CTSB: variants seen among roughly 807,000 people sequenced by gnomAD.
CTSB encodes cathepsin B.
Under a neutral mutation model 44.3 loss-of-function variants are expected in CTSB, and 57 were observed. The observed-to-expected ratio is 1.29, with a 90% confidence interval of 1.04 to 1.60. The LOEUF (loss-of-function observed/expected upper bound fraction) is 1.60. Among genes scored for constraint, CTSB ranks in the 40% most tolerant of loss-of-function variants. The pLI is 0.00. For missense variants in CTSB, 768 were observed against 443.0 expected (o/e 1.73, Z -6.59); for synonymous variants, 320 against 168.0 (o/e 1.91, Z -7.00).
intron 1 of CTSB, among the ~76,000 whole-genome samples, chr8:11,862,150 T>G (rs1169655425): frequency 6.8e-6 from 1 of 147,140 alleles, no homozygotes; most frequent in Non-Finnish European, 1.5e-5. Context: ...GAGTTTGCAG[T>G]GAGCCGAGAT....
intron 1 of CTSB, among the ~76,000 whole-genome samples, chr8:11,862,762 G>C (rs1221583553): frequency 6.6e-6 from 1 of 152,260 alleles, no homozygotes; most frequent in African/African-American, 2.4e-5. Context: ...CAGAGTCCAG[G>C]TCAGCACGTC....
chr8:11,867,709 C>G (rs1817369023), intron 1 of CTSB: 1 of 152,242 alleles, frequency 6.6e-6, no homozygotes, highest in Admixed American at 6.5e-5. Context: ...GTCCCCGCTC[C>G]GAGGGCCGGG....
Position 11,845,928 on chromosome 8 carries a change from A to AG in CTSB, c.794-140dup, listed in dbSNP as rs552680684. The stretch of plus-strand genomic sequence containing the variant: ...ACCTGCTGCTCCACCAGGAGGCTCC[A>AG]GGGGGGGTCCCACAATACTGGGGAA... On this transcript the variant is annotated intron_variant, in intron 8 of 9. Coordinates refer to ENST00000353047, the MANE Select transcript of CTSB (RefSeq NM_001908.5). 3.9e-4 allele frequency: 382 copies of AG among 987,826 alleles called. 1 individual carries two copies. Among genetic ancestry groups the AG allele is most frequent in the Admixed American group, 9.8e-4 (29 of 29,608 alleles). The allele number at this position is 987,826 out of a possible 1,614,324, so 61.2% of individuals were successfully genotyped here.
intron 1 of CTSB, chr8:11,865,374 C>T (rs938658196): frequency 2.0e-5 from 3 of 151,660 alleles, no homozygotes; most frequent in African/African-American, 7.3e-5. Flanking sequence ...AAAACCCCCA[C>T]ATTGGGATTT....
chr8:11,867,940 G>A (rs958593149), intron 1 of CTSB, 61 bp downstream of exon 1: 1 of 152,116 alleles, frequency 6.6e-6, no homozygotes, highest in Non-Finnish European at 1.5e-5. Context: ...TCGGCGGCCG[G>A]GTAGCACCGT....
At chr8:11,861,177 G>C (rs971438473) in intron 1 of CTSB, among the ~76,000 whole-genome samples, 1 of 152,168 alleles carries the variant, frequency 6.6e-6, no homozygotes, top group Non-Finnish European at 1.5e-5. Flanking sequence ...CCTGATGAAC[G>C]GGCACCAGAG....
intron 9 of CTSB, 73 bp from the exon 10 acceptor site, chr8:11,845,295 G>T: frequency 1.7e-6 from 2 of 1,177,252 alleles, no homozygotes; most frequent in East Asian, 2.4e-5. Context: ...ATCCTTAAAA[G>T]ACCTTAAGTC....
At chr8:11,857,184 T>G (rs780504295) in intron 1 of CTSB, among the ~76,000 whole-genome samples, 16 of 152,204 alleles carry the variant, frequency 1.1e-4, no homozygotes, top group Non-Finnish European at 2.4e-4. Context: ...CTACCACGTT[T>G]GGCTAATTTT....
At position 11,844,251 on chromosome 8, in the gene CTSB, C is replaced by G. The variant is rs1812806111; in HGVS notation, c.*874G>C. 6.6e-6 allele frequency: 1 copy of G among 152,142 alleles called. No individual in the cohort carries two copies. Among genetic ancestry groups the G allele is most frequent in the Non-Finnish European group, 1.5e-5 (1 of 68,040 alleles). The allele number at this position is 152,142 out of a possible 1,614,324, so 9.4% of individuals were successfully genotyped here. A position where few individuals can be genotyped will look rare whatever the true frequency, so the allele number is the denominator to read the frequency against. The stretch of plus-strand genomic sequence containing the variant: ...TCCAGGACGTGATTCTCTGCAGGGA[C>G]AAAGAGAGACAGCAGCTACAAGTCT... On this transcript the variant is annotated 3_prime_UTR_variant, in exon 10 of 10. Transcript: ENST00000353047.
In CTSB at chr8:11,850,948, G is replaced by A. The variant is rs1374776960; in HGVS notation, c.245C>T (p.Ala82Val). ...CCATTGTTCCCGTGCATCGAAGCTT[G>A]CAGGCAGCTTCAGGTCCTCGGTAAA... ...VMFTEDLKLP[A>V]SFDAREQWPQ... Residue 82 changes from alanine (A) to valine (V), a missense_variant, in exon 4 of 10, where the codon GCA (alanine) becomes GTA (valine). By Grantham distance (64) the Ala-to-Val change is moderately conservative. Coordinates refer to ENST00000353047, the MANE Select transcript of CTSB (RefSeq NM_001908.5). 6.2e-7 allele frequency: 1 copy of A among 1,613,322 alleles called. No homozygotes were observed. The highest frequency in any genetic ancestry group is 1.1e-5 in the South Asian group (1 of 91,004).
At chr8:11,861,409 C>G (rs1816395210) in intron 1 of CTSB, 1 of 152,456 alleles carries the variant, frequency 6.6e-6, no homozygotes, top group Non-Finnish European at 1.5e-5. Context: ...TGCCCACCTG[C>G]CAATCATCTA....
chr8:11,852,635 G>A lies in CTSB; in HGVS notation c.187C>T (p.Leu63=), dbSNP rs777842205. Residue 63 remains leucine (L), a synonymous_variant, in exon 3 of 10, where the codon CTG becomes TTG. Coordinates refer to ENST00000353047, the MANE Select transcript of CTSB (RefSeq NM_001908.5). Reference sequence around the variant, plus strand: ...CTCTGGGGTGGCTTGGGCCCACCCAGGAAGGTACCACATAGCCTCTTCAAG... The same window carrying A: ...CTCTGGGGTGGCTTGGGCCCACCCAAGAAGGTACCACATAGCCTCTTCAAG... The part of the protein sequence containing the change: ...SYLKRLCGTF[L]GGPKPPQRVM... 10 of 1,613,808 alleles carry A rather than the reference G, an allele frequency of 6.2e-6. No homozygotes were observed. The highest frequency in any genetic ancestry group is 8.5e-6 in the Non-Finnish European group (10 of 1,180,020).
Position 11,845,154 on chromosome 8 carries a change from G to T in CTSB, c.991C>A (p.Arg331Ser), listed in dbSNP as rs148519031. 6.2e-7 allele frequency: 1 copy of T among 1,613,812 alleles called. No individual in the cohort carries two copies. The highest frequency in any genetic ancestry group is 8.5e-7 in the Non-Finnish European group (1 of 1,179,672). The change falls in exon 10 of 10, where the codon CGC becomes AGC. Residue 331 changes from arginine (R) to serine (S), a missense_variant. By Grantham distance (110) the Arg-to-Ser change is moderately radical (BLOSUM62 -1). Transcript: ENST00000353047. Reference protein sequence around the residue: ...IESEVVAGIPRTDQYWEKI With the variant: ...IESEVVAGIPSTDQYWEKI ...ATCTTTTCCCAGTACTGATCGGTGC[G>T]TGGAATTCCAGCCACCACTTCTGAT...
chr8:11,844,980 G>T lies in CTSB; in HGVS notation c.*145C>A. The T allele has an allele frequency of 1.6e-6, 1 of 633,336 alleles. No individual in the cohort carries two copies. Among genetic ancestry groups the T allele is most frequent in the Non-Finnish European group, 2.8e-6 (1 of 354,872 alleles). The allele number at this position is 633,336 out of a possible 1,614,324, so 39.2% of individuals were successfully genotyped here. On this transcript the variant is annotated 3_prime_UTR_variant, in exon 10 of 10. Coordinates refer to ENST00000353047, the MANE Select transcript of CTSB (RefSeq NM_001908.5). ...CAGGCTGGGATGTAGCCAGGACTTG[G>T]TCTCCTTGGAAGACAGGTCTGATGT...
intron 1 of CTSB, 117 bp downstream of exon 1, chr8:11,867,884 C>G (rs1046752360): frequency 7.2e-5 from 11 of 152,104 alleles, no homozygotes; most frequent in Non-Finnish European, 1.3e-4. Context: ...CCAGGGACGC[C>G]GCGGGGCCGC....
chr8:11,848,149 A>C lies in CTSB; in HGVS notation c.450T>G (p.Cys150Trp). ...AAGCTTCAGCAGGATAGCCACCATT[A>C]CAGCTGAAAAGACAGCCTCTAATGA... ...TCCGSMCGDGCNGGYPAEAWN... is the reference protein window; with the variant it reads ...TCCGSMCGDGWNGGYPAEAWN... The change falls in exon 6 of 10, where the codon TGT (cysteine) becomes TGG (tryptophan). Residue 150 changes from cysteine to tryptophan, a missense_variant. Transcript: ENST00000353047. 1 of 1,613,942 alleles carries C rather than the reference A, an allele frequency of 6.2e-7. No homozygotes were observed. The highest frequency in any genetic ancestry group is 1.1e-5 in the South Asian group (1 of 91,076).
Position 11,848,969 on chromosome 8 carries a change from A to C in CTSB, c.446+77T>G, listed in dbSNP as rs1036505646. The C allele has an allele frequency of 4.6e-6, 5 of 1,090,814 alleles. No individual in the cohort carries two copies. In the Admixed American group the frequency reaches 7.2e-5, roughly 16 times the overall value. 67.6% of individuals were successfully genotyped at this position (1,090,814 alleles called of 1,614,324 possible). ...CTCGCAGCAGTCCCAGGAAGTCCTC[A>C]AAGTCCCCTCCACTGAGAAGCTGGG... is the stretch of plus-strand genomic sequence containing the variant. On this transcript the variant is annotated intron_variant, in intron 5 of 9. Transcript: ENST00000353047.
rs1184226278 is a variant in CTSB, at chr8:11,849,176, AG to A, written c.328-13del. The A allele has an allele frequency of 1.9e-6, 3 of 1,608,394 alleles. No individual in the cohort carries two copies. Among genetic ancestry groups the A allele is most frequent in the African/African-American group, 2.7e-5 (2 of 74,820 alleles). On this transcript the variant is annotated splice_polypyrimidine_tract_variant and intron_variant, in intron 4 of 9. Transcript: ENST00000353047. ...ACAGCCCCGAAGGCCTGCAGGAACG[AG>A]CCCCACCGGGTGAGGCTGCCATGTC...
chr8:11,843,264 A>C lies in CTSB; in HGVS notation c.*1861T>G, dbSNP rs1040032519. ...GGCCGGCTGTTATGCTCATCATGGCACTTAAGAGATGCTTAACAAACCTTT... is the reference window on the plus strand; with the variant it reads ...GGCCGGCTGTTATGCTCATCATGGCCCTTAAGAGATGCTTAACAAACCTTT... On this transcript the variant is annotated 3_prime_UTR_variant, in exon 10 of 10. Transcript: ENST00000353047. The C allele has an allele frequency of 6.6e-6, 1 of 152,168 alleles. No individual in the cohort carries two copies. The allele number at this position is 152,168 out of a possible 1,614,324, so 9.4% of individuals were successfully genotyped here.
Sources: gnomAD v4.1 joint callset for allele counts (sites outside exome capture counted in the v4.1 genomes callset) on GRCh38, gnomAD v4.1.1 for gene constraint, MANE v1.5 for transcripts, NCBI Gene and HGNC (gene_info 2026-07-23, HGNC 2026-07-21) for gene names.